The following VPS54 variants were observed in gnomAD, a reference collection of about 807,000 sequenced individuals.
VPS54 encodes VPS54 subunit of GARP complex.
A neutral mutation model predicts 121.5 loss-of-function variants in VPS54; 45 were observed. The ratio of observed to expected loss-of-function variants is 0.37; its 90% confidence interval spans 0.29 to 0.47. The LOEUF (loss-of-function observed/expected upper bound fraction) is 0.47, where lower values mean the gene tolerates loss of function less well. Among genes scored for constraint, VPS54 ranks in the 20% least tolerant of loss-of-function variants. VPS54 has a pLI of 0.99. For synonymous variants in VPS54, 371 were observed against 385.8 expected (o/e 0.96, Z 0.45); for missense variants, 1,090 against 1,131.4 (o/e 0.96, Z 0.52).
chr2:63,984,079 A>G, intron 1 of VPS54, 60 bp from the exon 2 acceptor site: 1 of 1,356,884 alleles, frequency 7.4e-7, no homozygotes, highest in Non-Finnish European at 9.6e-7. Context: ...AGTATTATAC[A>G]TGTCACAAAT....
intron 7 of VPS54, among the ~76,000 whole-genome samples, chr2:63,955,879 C>G (rs1374270444): frequency 6.6e-6 from 1 of 152,034 alleles, no homozygotes; most frequent in East Asian, 1.9e-4. Context: ...GATAAATCTG[C>G]TAACACCTTG....
At position 63,893,013 on chromosome 2, in the gene VPS54, T is replaced by C. The variant is rs2104385786; in HGVS notation, c.*417A>G. On this transcript the variant is annotated 3_prime_UTR_variant, in exon 23 of 23. Transcript: ENST00000272322. ...ACTTTCTACAGAAGTTGACTAAGAT[T>C]TTAAATTGTACCATCATTAAATAAG... 6.4e-6 allele frequency: 1 copy of C among 156,210 alleles called. No individual in the cohort carries two copies. Among genetic ancestry groups the C allele is most frequent in the South Asian group, 2.0e-4 (1 of 4,918 alleles). The allele number at this position is 156,210 out of a possible 1,614,324, so 9.7% of individuals were successfully genotyped here. A position where few individuals can be genotyped will look rare whatever the true frequency, so the allele number is the denominator to read the frequency against.
At chr2:63,949,555 G>C (rs1005309180) in intron 7 of VPS54, among the ~76,000 whole-genome samples, 3 of 152,030 alleles carry the variant, frequency 2.0e-5, no homozygotes, top group African/African-American at 7.3e-5. Flanking sequence ...TTACAATAAA[G>C]CTAGAGAAAA....
chr2:63,937,442 A>C (rs1674503105), intron 11 of VPS54, among the ~76,000 whole-genome samples: 1 of 152,220 alleles, frequency 6.6e-6, no homozygotes, highest in Non-Finnish European at 1.5e-5. Context: ...CCTACAGGGA[A>C]ATACCACCTC....
At chr2:63,973,994 C>A (rs973998816) in intron 3 of VPS54, among the ~76,000 whole-genome samples, 1 of 152,032 alleles carries the variant, frequency 6.6e-6, no homozygotes, top group African/African-American at 2.4e-5. Context: ...ATGGATTGTG[C>A]TTTTCTTTCA....
intron 20 of VPS54, among the ~76,000 whole-genome samples, chr2:63,904,438 CAAAAAAAAAA>C (rs58651830): frequency 3.5e-3 from 69 of 19,920 alleles, no homozygotes; most frequent in East Asian, 2.1e-3. Flanking sequence ...GACTTGGTCT[CAAAAAAAAAA>C]AAAAAAAAAA....
At chr2:64,005,104 T>C (rs1251843627) in intron 1 of VPS54, among the ~76,000 whole-genome samples, 1 of 107,400 alleles carries the variant, frequency 9.3e-6, no homozygotes, top group Middle Eastern at 4.0e-3. Flanking sequence ...TTTTTTTTTT[T>C]TTTTTTTTTT....
rs140436318 is a variant in VPS54, at chr2:63,963,991, G to C, written c.625-1548C>G. 3.8e-3 allele frequency among the ~76,000 whole-genome samples: 571 copies of C among 152,262 alleles called. 4 individuals are homozygous for C. The highest frequency in any genetic ancestry group is 0.013 in the African/African-American group (534 of 41,576). On this transcript the variant is annotated intron_variant, in intron 6 of 22. Coordinates refer to ENST00000272322, the MANE Select transcript of VPS54 (RefSeq NM_016516.3). ...CTTTCTTAATGAAGTAAGCAGTGCA[G>C]TGATTTGCATTCCAGTGCAAACTCC...
rs537824518 is a variant in VPS54, at chr2:63,996,983, C to T, written c.-20-12964G>A. Among the ~76,000 whole-genome samples the T allele has an allele frequency of 8.5e-5, 13 of 152,194 alleles. 1 individual carries two copies. Among genetic ancestry groups the T allele is most frequent in the South Asian group, 2.1e-4 (1 of 4,822 alleles). On this transcript the variant is annotated intron_variant, in intron 1 of 22. Transcript: ENST00000272322. ...ATAAAAACTTGCTGGTTTTATGGCT[C>T]GGGGGCATCACGGAACCTGCTGACA...
chr2:64,005,750 AC>A (rs939321921), intron 1 of VPS54, among the ~76,000 whole-genome samples: 3 of 152,150 alleles, frequency 2.0e-5, no homozygotes, highest in Non-Finnish European at 4.4e-5. Context: ...AGACAAACTC[AC>A]CCCGGTTGAG....
chr2:63,950,546 G>A (rs1675192212), intron 7 of VPS54, among the ~76,000 whole-genome samples: 1 of 152,148 alleles, frequency 6.6e-6, no homozygotes, highest in Non-Finnish European at 1.5e-5. Flanking sequence ...AAGCATTAAT[G>A]GCACCAATCC....
chr2:63,913,519 A>C lies in VPS54; in HGVS notation c.2335-209T>G, dbSNP rs1575898823. On this transcript the variant is annotated intron_variant, in intron 17 of 22. Coordinates refer to ENST00000272322, the MANE Select transcript of VPS54 (RefSeq NM_016516.3). ...TGATAATATTTACTGATAAGAAAAA[A>C]GTTGAAAAATTCTAAAAATCAGTTC... Among the ~76,000 whole-genome samples the C allele has an allele frequency of 2.6e-5, 4 of 152,336 alleles. 1 individual carries two copies. The highest frequency in any genetic ancestry group is 2.6e-4 in the Admixed American group (4 of 15,306).
intron 1 of VPS54, among the ~76,000 whole-genome samples, chr2:64,008,171 G>A (rs1678254665): frequency 6.6e-6 from 1 of 152,130 alleles, no homozygotes; most frequent in Non-Finnish European, 1.5e-5. Context: ...CCAGCACTTT[G>A]GGAGGACGAG....
rs750122256 is a variant in VPS54, at chr2:63,920,548, T to G, written c.1949A>C (p.Glu650Ala). ...RLMETFILDT[E>A]QICGRKSTSL... ...CGTGCTTTTTCTTCCACAGATCTGT[T>G]CGGTGTCTAAAATGAATGTTTCCAT... Residue 650 changes from glutamate (E) to alanine (A), a missense_variant, in exon 14 of 23, where the codon GAA (glutamate) becomes GCA (alanine). Transcript: ENST00000272322. 1.3e-6 allele frequency: 2 copies of G among 1,581,656 alleles called. No individual in the cohort carries two copies. Among genetic ancestry groups the G allele is most frequent in the East Asian group, 4.8e-5 (2 of 42,072 alleles).
chr2:63,934,266 T>G (rs1314267443), intron 11 of VPS54, among the ~76,000 whole-genome samples: 2 of 152,178 alleles, frequency 1.3e-5, no homozygotes, highest in Non-Finnish European at 2.9e-5. Flanking sequence ...AATGGAAATC[T>G]CCCTAAAATA....
At chr2:63,975,324 A>T (rs1246412654) in intron 3 of VPS54, 1 of 277,752 alleles carries the variant, frequency 3.6e-6, no homozygotes, top group Non-Finnish European at 6.8e-6. Flanking sequence ...TTATAGTTTA[A>T]AACAAAGATG....
chr2:63,981,959 A>C (rs1676820575), intron 2 of VPS54, 72 bp from the exon 3 acceptor site: 1 of 1,478,576 alleles, frequency 6.8e-7, no homozygotes, highest in Non-Finnish European at 9.0e-7. Context: ...ACACACTAGA[A>C]AACTAAAAAT....
intron 20 of VPS54, among the ~76,000 whole-genome samples, chr2:63,906,683 A>C (rs991255437): frequency 1.3e-5 from 2 of 152,170 alleles, no homozygotes; most frequent in East Asian, 3.8e-4. Context: ...AGAGATACAC[A>C]ACATAGTTTC....
intron 11 of VPS54, among the ~76,000 whole-genome samples, chr2:63,936,825 A>C (rs1157699064): frequency 6.6e-6 from 1 of 152,188 alleles, no homozygotes; most frequent in Non-Finnish European, 1.5e-5. Context: ...TAGAATAGAG[A>C]GAGCCCACAA....
Sources: allele counts gnomAD v4.1 joint callset (sites outside exome capture counted in the v4.1 genomes callset), GRCh38; gene constraint gnomAD v4.1.1; transcripts MANE v1.5; gene names NCBI Gene and HGNC (gene_info 2026-07-23, HGNC 2026-07-21).